Variants in DDX21 observed in about 807,000 individuals in gnomAD.
DDX21 encodes DExD-box helicase 21, also known as nucleolar RNA helicase 2.
Under a neutral mutation model 90.0 loss-of-function variants are expected in DDX21, and 18 were observed. That is an observed-to-expected ratio of 0.20 (90% CI 0.14 to 0.30). The LOEUF (loss-of-function observed/expected upper bound fraction) is 0.30. Ranked by LOEUF, DDX21 falls within the 10% of genes least tolerant of loss-of-function variation. The pLI, the probability that DDX21 is intolerant of heterozygous loss-of-function variation, is 1.00. For missense variants in DDX21, 673 were observed against 944.5 expected, an observed-to-expected ratio of 0.71 and a Z score of 3.77; for synonymous variants, 294 against 318.0, an observed-to-expected ratio of 0.92 and a Z score of 0.80.
In DDX21 at chr10:68,956,222, G is replaced by GT. The variant is rs142374509; in HGVS notation, c.-4_-3insT. On this transcript the variant is annotated 5_prime_UTR_variant, in exon 1 of 15. Transcript: ENST00000354185. ...CCGGTCGGCCTGGGCAACCTGCGCT[G>GT]AAGATGCCGGGAAAACTCCGTAGTG... 25 of 1,613,980 alleles carry GT rather than the reference G, an allele frequency of 1.5e-5. No homozygotes were observed. In the African/African-American group the frequency reaches 3.2e-4, roughly 21 times the overall value.
In DDX21 at chr10:68,959,840, C is replaced by T; in HGVS notation, c.122C>T (p.Thr41Ile). 1 of 1,570,802 alleles carries T rather than the reference C, an allele frequency of 6.4e-7. No individual in the cohort carries two copies. Among genetic ancestry groups the T allele is most frequent in the South Asian group, 1.2e-5 (1 of 82,324 alleles). The change falls in exon 2 of 15, where the codon ACT becomes ATT. Residue 41 changes from threonine (T) to isoleucine (I), a missense_variant. Transcript: ENST00000354185. ...EKKEKPKSDK[T>I]EEIAEEEETV... ...AAAGAGAAGCCAAAATCTGATAAGA[C>T]TGAAGAGATAGCAGAAGAGGAAGAA...
chr10:68,984,056 A>G lies in DDX21; in HGVS notation c.*1244A>G, dbSNP rs1329757379. On this transcript the variant is annotated 3_prime_UTR_variant, in exon 15 of 15. Coordinates refer to ENST00000354185, the MANE Select transcript of DDX21 (RefSeq NM_004728.4). ...AACCTGATGTAGCCCCTGGCCAGATAACTGCCTGATTTCTCAGATATTATT... is the reference window on the plus strand; with the variant it reads ...AACCTGATGTAGCCCCTGGCCAGATGACTGCCTGATTTCTCAGATATTATT... 1 of 152,238 alleles carries G rather than the reference A, an allele frequency of 6.6e-6. No homozygotes were observed. The highest frequency in any genetic ancestry group is 2.4e-5 in the African/African-American group (1 of 41,470). The allele number at this position is 152,238 out of a possible 1,614,324, so 9.4% of individuals were successfully genotyped here. A position where few individuals can be genotyped will look rare whatever the true frequency, so the allele number is the denominator to read the frequency against.
chr10:68,966,924 A>G, intron 5 of DDX21, 94 bp from the exon 6 acceptor site: 1 of 1,025,352 alleles, frequency 9.8e-7, no homozygotes, highest in Non-Finnish European at 1.4e-6. Flanking sequence ...TATTTAACAA[A>G]TATTTTAGAG....
rs905840722 is a variant in DDX21 at position 68,983,676 on chromosome 10, A to G, written c.*864A>G. ...GGACTTAAGGGAGTAGGGGGCGCAG[A>G]TTAGCATTGCTCAAGAGTATGTAAA... On this transcript the variant is annotated 3_prime_UTR_variant, in exon 15 of 15. Coordinates refer to ENST00000354185, the MANE Select transcript of DDX21 (RefSeq NM_004728.4). 7.1e-6 allele frequency: 1 copy of G among 141,154 alleles called. No homozygotes were observed. The highest frequency in any genetic ancestry group is 1.5e-5 in the Non-Finnish European group (1 of 65,986). The allele number at this position is 141,154 out of a possible 1,614,324, so 8.7% of individuals were successfully genotyped here.
intron 11 of DDX21, 57 bp from the exon 12 acceptor site, chr10:68,977,472 G>A: frequency 6.8e-7 from 1 of 1,462,396 alleles, no homozygotes; most frequent in Non-Finnish European, 9.2e-7. Context: ...AGATGTCTTA[G>A]AAATGAAATG....
At chr10:68,957,684 G>A (rs1039043977) in intron 1 of DDX21, among the ~76,000 whole-genome samples, 1 of 152,156 alleles carries the variant, frequency 6.6e-6, no homozygotes. Context: ...CACCAGGATG[G>A]GAAACTCAGT....
At chr10:68,981,971 T>A (rs992672134) in intron 14 of DDX21, among the ~76,000 whole-genome samples, 3 of 152,110 alleles carry the variant, frequency 2.0e-5, no homozygotes, top group African/African-American at 7.2e-5. Flanking sequence ...CCTCCCGGGT[T>A]CAAGCGATTC....
At chr10:68,979,615 G>A (rs182586336) in intron 13 of DDX21, among the ~76,000 whole-genome samples, 5 of 152,304 alleles carry the variant, frequency 3.3e-5, no homozygotes, top group Admixed American at 6.5e-5. Context: ...GAATGAGTGT[G>A]GAAAGGGCAA....
intron 1 of DDX21, among the ~76,000 whole-genome samples, chr10:68,958,460 A>C (rs1842829609): frequency 2.0e-5 from 3 of 151,220 alleles, no homozygotes. Flanking sequence ...TTTTTTTGAG[A>C]CAGTCTTGCT....
rs548028798 is a variant in DDX21, at chr10:68,968,653, A to C, written c.1091-323A>C. Among the ~76,000 whole-genome samples, 19 of 152,380 alleles carry C rather than the reference A, an allele frequency of 1.2e-4. No individual in the cohort carries two copies. The East Asian group carries it at 3.7e-3, about 29-fold the overall frequency. ...AATAGTAGCTGGACTCAATGATTGGACAAGAATTCTAAATTCATAAAATAT... is the reference window on the plus strand; with the variant it reads ...AATAGTAGCTGGACTCAATGATTGGCCAAGAATTCTAAATTCATAAAATAT... On this transcript the variant is annotated intron_variant, in intron 6 of 14. Coordinates refer to ENST00000354185, the MANE Select transcript of DDX21 (RefSeq NM_004728.4).
chr10:68,974,753 C>G lies in DDX21; in HGVS notation c.1742+10C>G. On this transcript the variant is annotated intron_variant, in intron 11 of 14. Transcript: ENST00000354185. The stretch of plus-strand genomic sequence containing the variant: ...GCAAAGATGCCATCAGGTATGTTCC[C>G]TACCACTGCTATGGTCTGTTTTAGT... 6.2e-7 allele frequency: 1 copy of G among 1,607,400 alleles called. No individual in the cohort carries two copies. The highest frequency in any genetic ancestry group is 1.7e-4 in the Middle Eastern group (1 of 6,054).
intron 14 of DDX21, among the ~76,000 whole-genome samples, 174 bp from the exon 15 acceptor site, chr10:68,982,369 G>A (rs151172988): frequency 9.3e-4 from 142 of 152,312 alleles, no homozygotes; most frequent in Admixed American, 1.6e-3. Flanking sequence ...ACACTTCAGG[G>A]ACACTGGCTT....
At chr10:68,976,065 AT>A (rs1395849727) in intron 11 of DDX21, among the ~76,000 whole-genome samples, 10 of 141,188 alleles carry the variant, frequency 7.1e-5, no homozygotes, top group South Asian at 2.3e-4. Context: ...AAAAAAAAAA[AT>A]ACAAAAATAC....
rs1054762381 is a variant in DDX21, at chr10:68,984,378, A to G, written c.*1566A>G. ...ATCCTTGAGGCAACATTCTTTTTCT[A>G]TTTGAACTTCAGTTCTGTCCTTGAA... On this transcript the variant is annotated 3_prime_UTR_variant, in exon 15 of 15. Coordinates refer to ENST00000354185, the MANE Select transcript of DDX21 (RefSeq NM_004728.4). The G allele has an allele frequency of 6.6e-6, 1 of 152,098 alleles. No homozygotes were observed. The allele number at this position is 152,098 out of a possible 1,614,324, so 9.4% of individuals were successfully genotyped here.
rs778851893 is a variant in DDX21, at chr10:68,981,558, A to G, written c.2059A>G (p.Thr687Ala). 1.7e-5 allele frequency: 28 copies of G among 1,612,960 alleles called. No homozygotes were observed. In the South Asian group the frequency reaches 3.0e-4, roughly 17 times the overall value. Residue 687 changes from threonine (T) to alanine (A), a missense_variant, in exon 14 of 15, where the codon ACC becomes GCC. Transcript: ENST00000354185. ...CTAGGGTGTTTGCTTTGATGTACCT[A>G]CCGCATCAGTAACAGAAATACAGGT... ...GKLGVCFDVPTASVTEIQEKW... is the reference protein window; with the variant it reads ...GKLGVCFDVPAASVTEIQEKW...
At chr10:68,981,851 TTGTGTG>T (rs141752628) in intron 14 of DDX21, among the ~76,000 whole-genome samples, 1 of 148,824 alleles carries the variant, frequency 6.7e-6, no homozygotes, top group Non-Finnish European at 1.5e-5. Context: ...TATATAGATT[TTGTGTG>T]TGTGTGTGTG....
intron 9 of DDX21, 148 bp downstream of exon 9, chr10:68,972,200 G>T (rs1843036250): frequency 1.1e-6 from 1 of 889,114 alleles, no homozygotes; most frequent in South Asian, 1.9e-5. Flanking sequence ...GAATGAACCT[G>T]TTATCAGACA....
chr10:68,976,099 T>C (rs1843096867), intron 11 of DDX21, among the ~76,000 whole-genome samples: 1 of 150,484 alleles, frequency 6.6e-6, no homozygotes, highest in Non-Finnish European at 1.5e-5. Flanking sequence ...TGGTAGCAAG[T>C]GCCTGTAGTC....
intron 7 of DDX21, among the ~76,000 whole-genome samples, chr10:68,969,648 C>G (rs1489778352): frequency 1.3e-5 from 2 of 152,178 alleles, no homozygotes; most frequent in African/African-American, 4.8e-5. Context: ...GAACTTAAAT[C>G]TATCTGAGTT....
Sources: gnomAD v4.1 joint callset for allele counts (sites outside exome capture counted in the v4.1 genomes callset) on GRCh38, gnomAD v4.1.1 for gene constraint, MANE v1.5 for transcripts, NCBI Gene and HGNC (gene_info 2026-07-23, HGNC 2026-07-21) for gene names.